The following RALYL variants were observed in gnomAD, a reference collection of about 807,000 sequenced individuals.
RALYL encodes the protein RNA-binding Raly-like protein.
RALYL carries 29 observed loss-of-function variants against 35.1 expected under a neutral mutation model. The observed-to-expected ratio is 0.83, with a 90% confidence interval of 0.61 to 1.13. RALYL has a LOEUF of 1.13. RALYL is among the 50% of genes most tolerant of loss of function. The pLI, the probability that RALYL is intolerant of heterozygous loss-of-function variation, is 0.00. For missense variants in RALYL, 359 were observed against 360.4 expected (o/e 1.00, Z 0.03); for synonymous variants, 120 against 127.6 (o/e 0.94, Z 0.40).
chr8:84,468,701 A>G (rs1238646985), intron 1 of RALYL, among the ~76,000 whole-genome samples: 4 of 150,226 alleles, frequency 2.7e-5, no homozygotes, highest in African/African-American at 7.3e-5. Context: ...GCCTTGCTAG[A>G]CTGGGGAAGT....
At chr8:84,568,889 G>C in intron 2 of RALYL, among the ~76,000 whole-genome samples, 1 of 151,868 alleles carries the variant, frequency 6.6e-6, no homozygotes, top group African/African-American at 2.4e-5. Context: ...CCCACTTGTT[G>C]ATGGGGTTGT....
intron 2 of RALYL, among the ~76,000 whole-genome samples, chr8:84,738,453 T>C (rs1469793120): frequency 6.6e-6 from 1 of 152,046 alleles, no homozygotes; most frequent in Non-Finnish European, 1.5e-5. Flanking sequence ...GGAGAATGGG[T>C]ATAGATCTTA....
At chr8:84,312,226 A>T (rs1842949385) in intron 1 of RALYL, among the ~76,000 whole-genome samples, 2 of 152,192 alleles carry the variant, frequency 1.3e-5, no homozygotes, top group South Asian at 4.1e-4. Flanking sequence ...GACTGCCCCC[A>T]TAATCCAGTC....
chr8:84,646,059 A>G (rs1208325314), intron 2 of RALYL, among the ~76,000 whole-genome samples: 1 of 151,918 alleles, frequency 6.6e-6, no homozygotes, highest in Non-Finnish European at 1.5e-5. Context: ...AGTTTTAAAT[A>G]TTAGTTCTCT....
intron 2 of RALYL, among the ~76,000 whole-genome samples, chr8:84,555,167 T>A (rs369646080): frequency 1.3e-5 from 2 of 152,206 alleles, no homozygotes; most frequent in East Asian, 3.9e-4. Flanking sequence ...TAATCCCAGC[T>A]ACTCAGGAGG....
intron 8 of RALYL, among the ~76,000 whole-genome samples, chr8:84,912,321 T>C (rs1048662055): frequency 2.0e-5 from 3 of 151,802 alleles, no homozygotes; most frequent in Admixed American, 2.0e-4. Context: ...ATTAAAAGGG[T>C]TTTAGGAGCT....
At chr8:84,554,844 T>A (rs2060982851) in intron 2 of RALYL, among the ~76,000 whole-genome samples, 1 of 152,222 alleles carries the variant, frequency 6.6e-6, no homozygotes, top group Non-Finnish European at 1.5e-5. Context: ...GAAATTTTGA[T>A]AAATTATTTC....
intron 2 of RALYL, among the ~76,000 whole-genome samples, chr8:84,687,362 T>G (rs1482878677): frequency 6.6e-6 from 1 of 152,122 alleles, no homozygotes; most frequent in Non-Finnish European, 1.5e-5. Flanking sequence ...ATATCTGTAC[T>G]CAGAACACTC....
At chr8:84,495,848 C>T (rs576561370) in intron 1 of RALYL, among the ~76,000 whole-genome samples, 1 of 152,236 alleles carries the variant, frequency 6.6e-6, no homozygotes, top group South Asian at 2.1e-4. Flanking sequence ...AGCAAAACCA[C>T]TGGGCTACCG....
At chr8:84,792,732 T>C (rs540778164) in intron 3 of RALYL, among the ~76,000 whole-genome samples, 1 of 152,294 alleles carries the variant, frequency 6.6e-6, no homozygotes, top group South Asian at 2.1e-4. Context: ...AGTCTCTCCC[T>C]GGGGCCAGCT....
intron 1 of RALYL, among the ~76,000 whole-genome samples, chr8:84,372,625 TC>T (rs1392320058): frequency 8.3e-4 from 126 of 152,020 alleles, no homozygotes; most frequent in Non-Finnish European, 1.1e-3. Context: ...GAGATTGTAG[TC>T]CCAGGAGGAT....
intron 2 of RALYL, among the ~76,000 whole-genome samples, chr8:84,641,318 ATTT>A (rs1826268432): frequency 6.6e-6 from 1 of 151,670 alleles, no homozygotes; most frequent in Non-Finnish European, 1.5e-5. Context: ...AGAATTATTA[ATTT>A]TAGTAACCTT....
Position 84,921,153 on chromosome 8 carries a change from G to GTT in RALYL, c.*251_*252dup, listed in dbSNP as rs147331612. On this transcript the variant is annotated 3_prime_UTR_variant, in exon 9 of 9. Coordinates refer to ENST00000521268, the MANE Select transcript of RALYL (RefSeq NM_173848.7). ...ATGTGTTTTCCCCTTTGCTAATTAT[G>GTT]TTTTTTTTTTCAGTCTTAAAATGTG... 331 of 298,682 alleles carry GTT rather than the reference G, an allele frequency of 1.1e-3. No individual in the cohort carries two copies. The highest frequency in any genetic ancestry group is 1.7e-3 in the African/African-American group (76 of 44,936). The allele number at this position is 298,682 out of a possible 1,614,324, so 18.5% of individuals were successfully genotyped here. A position where few individuals can be genotyped will look rare whatever the true frequency, so the allele number is the denominator to read the frequency against.
At chr8:84,205,233 C>T (rs572479362) in intron 1 of RALYL, among the ~76,000 whole-genome samples, 2 of 152,302 alleles carry the variant, frequency 1.3e-5, no homozygotes, top group South Asian at 2.1e-4. Flanking sequence ...TATGCAATTA[C>T]TGAATATTTA....
chr8:84,239,170 A>G (rs1251451798), intron 1 of RALYL, among the ~76,000 whole-genome samples: 1 of 152,210 alleles, frequency 6.6e-6, no homozygotes, highest in African/African-American at 2.4e-5. Flanking sequence ...TAGTAGGTAT[A>G]CAGAAAATGC....
chr8:84,814,366 A>T lies in RALYL; in HGVS notation c.365+9564A>T, dbSNP rs965581016. ...ATAATGGGGAAAGATAAAAATTGTC[A>T]TGAAATGAGTTATCAAGCAATATGA... On this transcript the variant is annotated intron_variant, in intron 4 of 8. Transcript: ENST00000521268. Among the ~76,000 whole-genome samples the T allele has an allele frequency of 2.6e-5, 4 of 152,228 alleles. 1 individual carries two copies. In the South Asian group the frequency reaches 6.2e-4, roughly 24 times the overall value.
At chr8:84,214,798 C>G (rs73295637) in intron 1 of RALYL, among the ~76,000 whole-genome samples, 2 of 151,992 alleles carry the variant, frequency 1.3e-5, no homozygotes, top group Non-Finnish European at 2.9e-5. Context: ...TGCCAAACAA[C>G]AGAGTAATTT....
chr8:84,833,577 G>T (rs1488805559), intron 4 of RALYL, among the ~76,000 whole-genome samples: 1 of 150,840 alleles, frequency 6.6e-6, no homozygotes, highest in Non-Finnish European at 1.5e-5. Flanking sequence ...GGCGGAGGTT[G>T]CAGTGAGCTG....
chr8:84,252,229 C>T (rs958894900), intron 1 of RALYL, among the ~76,000 whole-genome samples: 4 of 152,074 alleles, frequency 2.6e-5, no homozygotes, highest in South Asian at 4.1e-4. Context: ...AGTCTACCAA[C>T]ACTTAATAAA....
Sources: gnomAD v4.1 joint callset for allele counts (sites outside exome capture counted in the v4.1 genomes callset) on GRCh38, gnomAD v4.1.1 for gene constraint, MANE v1.5 for transcripts, NCBI Gene and HGNC (gene_info 2026-07-23, HGNC 2026-07-21) for gene names.